Variants in GRID2 observed in about 807,000 individuals in gnomAD.
The protein encoded by GRID2 is glutamate ionotropic receptor delta type subunit 2.
A neutral mutation model predicts 114.8 loss-of-function variants in GRID2; 33 were observed. The observed-to-expected ratio is 0.29, with a 90% CI of 0.22 to 0.38. GRID2 has a LOEUF of 0.38. Ranked by LOEUF, GRID2 falls within the 10% of genes least tolerant of loss-of-function variation. The pLI is 1.00. For synonymous variants in GRID2, 505 were observed against 449.9 expected (o/e 1.12, Z -1.55); for missense variants, 1,184 against 1,257.7 (o/e 0.94, Z 0.89).
intron 1 of GRID2, among the ~76,000 whole-genome samples, chr4:92,492,960 C>G: frequency 6.6e-6 from 1 of 151,684 alleles, no homozygotes; most frequent in East Asian, 1.9e-4. Context: ...GAAACCCCGT[C>G]TCTACTAAAA....
chr4:92,464,142 A>G (rs377118609), intron 1 of GRID2, among the ~76,000 whole-genome samples: 4 of 151,944 alleles, frequency 2.6e-5, no homozygotes, highest in Admixed American at 6.6e-5. Flanking sequence ...TCTATCATGT[A>G]TGTTATAATC....
chr4:92,997,205 T>C (rs1755255307), intron 2 of GRID2, among the ~76,000 whole-genome samples: 1 of 152,182 alleles, frequency 6.6e-6, no homozygotes, highest in Non-Finnish European at 1.5e-5. Flanking sequence ...AATCATTATG[T>C]GTCAAGGCTG....
At chr4:92,360,808 G>A (rs957463157) in intron 1 of GRID2, among the ~76,000 whole-genome samples, 8 of 151,862 alleles carry the variant, frequency 5.3e-5, no homozygotes, top group African/African-American at 1.7e-4. Context: ...AATCACATTG[G>A]CAATCCTGAT....
At chr4:92,519,921 G>A (rs1382659229) in intron 1 of GRID2, among the ~76,000 whole-genome samples, 1 of 151,830 alleles carries the variant, frequency 6.6e-6, no homozygotes, top group South Asian at 2.1e-4. Context: ...ATTGGGGGGC[G>A]GAATTTGCTT....
chr4:93,234,450 T>C (rs1746520849), intron 7 of GRID2, among the ~76,000 whole-genome samples: 1 of 152,128 alleles, frequency 6.6e-6, no homozygotes, highest in South Asian at 2.1e-4. Context: ...TCCCCTAAGA[T>C]GGAGACAGCA....
At chr4:92,520,689 T>C (rs762296868) in intron 1 of GRID2, among the ~76,000 whole-genome samples, 31 of 151,946 alleles carry the variant, frequency 2.0e-4, no homozygotes, top group Non-Finnish European at 1.9e-4. Context: ...CCCTTGGTAG[T>C]CAGGATCAAT....
intron 2 of GRID2, among the ~76,000 whole-genome samples, chr4:92,598,300 G>A (rs1320819460): frequency 6.6e-6 from 1 of 152,072 alleles, no homozygotes; most frequent in Non-Finnish European, 1.5e-5. Context: ...GCTCTCCATT[G>A]GCTGCCCTGT....
At chr4:93,117,930 C>T (rs1733431053) in intron 4 of GRID2, among the ~76,000 whole-genome samples, 1 of 152,128 alleles carries the variant, frequency 6.6e-6, no homozygotes, top group Non-Finnish European at 1.5e-5. Context: ...CCCCTAGAAG[C>T]AATGATTCAG....
chr4:93,029,263 A>C (rs1724166720), intron 2 of GRID2, among the ~76,000 whole-genome samples: 1 of 152,118 alleles, frequency 6.6e-6, no homozygotes, highest in Non-Finnish European at 1.5e-5. Flanking sequence ...CATCTTCAAA[A>C]AAAATCTGTA....
chr4:93,466,236 A>C (rs1724256397), intron 11 of GRID2, among the ~76,000 whole-genome samples: 1 of 152,140 alleles, frequency 6.6e-6, no homozygotes, highest in Non-Finnish European at 1.5e-5. Context: ...TCCAGCTAAA[A>C]TGATGATGAT....
At chr4:93,182,442 A>G (rs34328158) in intron 4 of GRID2, among the ~76,000 whole-genome samples, 2,896 of 152,280 alleles carry the variant, frequency 0.019, 30 homozygotes, top group Non-Finnish European at 0.031. Context: ...TGCATTATCA[A>G]TTCAAATGTA....
intron 2 of GRID2, among the ~76,000 whole-genome samples, chr4:92,870,983 A>C (rs973252921): frequency 3.9e-5 from 6 of 152,148 alleles, no homozygotes; most frequent in African/African-American, 1.4e-4. Flanking sequence ...CTAAATAAAA[A>C]ATTCTTCTAA....
chr4:92,755,092 G>A (rs1737646750), intron 2 of GRID2, among the ~76,000 whole-genome samples: 1 of 152,140 alleles, frequency 6.6e-6, no homozygotes, highest in African/African-American at 2.4e-5. Context: ...ATGAGCTGCA[G>A]GCAGAGCTGG....
intron 1 of GRID2, among the ~76,000 whole-genome samples, chr4:92,522,314 A>T (rs570586451): frequency 2.0e-5 from 3 of 151,764 alleles, no homozygotes; most frequent in Non-Finnish European, 4.4e-5. Context: ...GTAAACAGGG[A>T]AAAAAAATAA....
intron 8 of GRID2, among the ~76,000 whole-genome samples, chr4:93,311,338 C>T (rs527609484): frequency 1.6e-4 from 24 of 152,246 alleles, no homozygotes; most frequent in African/African-American, 5.3e-4. Flanking sequence ...TTTCCAGTGG[C>T]TGTCTTGAAT....
intron 2 of GRID2, among the ~76,000 whole-genome samples, chr4:92,868,887 G>A (rs1459731808): frequency 6.6e-6 from 1 of 151,968 alleles, no homozygotes; most frequent in African/African-American, 2.4e-5. Context: ...CTTAAAAGAT[G>A]CATGAAAAAA....
intron 2 of GRID2, among the ~76,000 whole-genome samples, chr4:93,052,578 A>G (rs773585393): frequency 1.1e-4 from 17 of 151,988 alleles, no homozygotes; most frequent in Non-Finnish European, 2.1e-4. Context: ...AAACATATCT[A>G]TATGTAGAAA....
At chr4:93,588,551 C>T (rs147791933) in intron 13 of GRID2, among the ~76,000 whole-genome samples, 393 of 152,220 alleles carry the variant, frequency 2.6e-3, no homozygotes, top group African/African-American at 9.1e-3. Flanking sequence ...TGCATCAAAT[C>T]TCAGTATTAT....
At chr4:92,841,871 T>A (rs765488200) in intron 2 of GRID2, among the ~76,000 whole-genome samples, 3 of 152,074 alleles carry the variant, frequency 2.0e-5, no homozygotes, top group African/African-American at 4.8e-5. Flanking sequence ...CATCTCTAAT[T>A]TTATTTTCTT....
Sources: gnomAD v4.1 joint callset for allele counts (sites outside exome capture counted in the v4.1 genomes callset) on GRCh38, gnomAD v4.1.1 for gene constraint, MANE v1.5 for transcripts, NCBI Gene and HGNC (gene_info 2026-07-23, HGNC 2026-07-21) for gene names.